Variants in DGKI observed in about 807,000 individuals in gnomAD.
The protein encoded by DGKI is diacylglycerol kinase iota, also known as DAG kinase iota.
DGKI carries 55 observed loss-of-function variants against 147.5 expected under a neutral mutation model. That is an observed-to-expected ratio of 0.37 (90% CI 0.30 to 0.47). DGKI has a LOEUF of 0.47. Ranked by LOEUF, DGKI falls within the 20% of genes least tolerant of loss-of-function variation. DGKI has a pLI of 1.00. For synonymous variants in DGKI, 469 were observed against 477.1 expected (o/e 0.98, Z 0.22); for missense variants, 1,007 against 1,323.8 (o/e 0.76, Z 3.71).
intron 10 of DGKI, among the ~76,000 whole-genome samples, chr7:137,608,115 C>T (rs1820244196): frequency 6.6e-6 from 1 of 152,102 alleles, no homozygotes. Context: ...ACTTACCTTC[C>T]TTATATGGGA....
chr7:137,439,223 G>A (rs957669160), intron 28 of DGKI, among the ~76,000 whole-genome samples: 1 of 152,194 alleles, frequency 6.6e-6, no homozygotes, highest in African/African-American at 2.4e-5. Context: ...AAAGTGAATT[G>A]ATGAGGTACA....
intron 23 of DGKI, among the ~76,000 whole-genome samples, chr7:137,470,139 C>A (rs1814824276): frequency 6.6e-6 from 1 of 152,216 alleles, no homozygotes; most frequent in South Asian, 2.1e-4. Flanking sequence ...TCTCTAACCT[C>A]AGCCTTCTCC....
chr7:137,628,654 T>C (rs1252082317), intron 6 of DGKI, among the ~76,000 whole-genome samples: 2 of 152,068 alleles, frequency 1.3e-5, no homozygotes, highest in Non-Finnish European at 1.5e-5. Context: ...AAGAGGAAAA[T>C]AGGGATGGGA....
intron 1 of DGKI, among the ~76,000 whole-genome samples, chr7:137,818,984 A>G (rs1037245127): frequency 3.3e-5 from 5 of 152,202 alleles, no homozygotes; most frequent in African/African-American, 9.6e-5. Context: ...AGCTTCTACA[A>G]AAAGCCCTCC....
intron 1 of DGKI, among the ~76,000 whole-genome samples, chr7:137,750,140 A>T (rs2116752438): frequency 6.6e-6 from 1 of 152,324 alleles, no homozygotes; most frequent in South Asian, 2.1e-4. Flanking sequence ...ATAAGGAGGC[A>T]AGCACCAGAA....
At chr7:137,440,465 A>C (rs1441609037) in intron 28 of DGKI, among the ~76,000 whole-genome samples, 2 of 152,230 alleles carry the variant, frequency 1.3e-5, no homozygotes, top group Admixed American at 6.5e-5. Flanking sequence ...CTCTTGTTAG[A>C]GGAGGGAAGA....
intron 1 of DGKI, among the ~76,000 whole-genome samples, chr7:137,723,850 C>G (rs1411935918): frequency 5.3e-5 from 8 of 152,054 alleles, no homozygotes; most frequent in Non-Finnish European, 1.0e-4. Flanking sequence ...GCTGGGATTA[C>G]AGGCACATAT....
At chr7:137,778,360 TAAAAAAGGAAGA>T (rs1796421237) in intron 1 of DGKI, among the ~76,000 whole-genome samples, 1 of 152,124 alleles carries the variant, frequency 6.6e-6, no homozygotes, top group Non-Finnish European at 1.5e-5. Flanking sequence ...AGGAGGAATC[TAAAAAAGGAAGA>T]TAAGAAAGCA....
At chr7:137,628,779 A>G (rs1450709138) in intron 6 of DGKI, among the ~76,000 whole-genome samples, 1 of 152,232 alleles carries the variant, frequency 6.6e-6, no homozygotes, top group African/African-American at 2.4e-5. Flanking sequence ...TTTGGAATAA[A>G]GTTTAAACCA....
At chr7:137,742,712 T>A (rs1164568368) in intron 1 of DGKI, among the ~76,000 whole-genome samples, 1 of 150,060 alleles carries the variant, frequency 6.7e-6, no homozygotes, top group Non-Finnish European at 1.5e-5. Context: ...AGAAAGGTAC[T>A]CAGCTACCGG....
rs78924878 is a variant in DGKI at position 137,531,869 on chromosome 7, C to T, written c.2148-9903G>A. Among the ~76,000 whole-genome samples, 451 of 152,264 alleles carry T rather than the reference C, an allele frequency of 3.0e-3. 2 individuals carry two copies. The highest frequency in any genetic ancestry group is 5.0e-3 in the South Asian group (24 of 4,818). ...AACCATGAAGAACACTGAAACTAGG[C>T]TTCTAACTACTGGTATAGTTGCTAA... On this transcript the variant is annotated intron_variant, in intron 20 of 32. Coordinates refer to ENST00000614521, the MANE Select transcript of DGKI (RefSeq NM_001321708.2).
rs3800668 is a variant in DGKI, at chr7:137,804,850, G to A, written c.401+41612C>T. Among the ~76,000 whole-genome samples the A allele has an allele frequency of 7.1e-4, 108 of 152,200 alleles. 1 individual carries two copies. The East Asian group carries it at 0.021, about 29-fold the overall frequency. On this transcript the variant is annotated intron_variant, in intron 1 of 32. Coordinates refer to ENST00000614521, the MANE Select transcript of DGKI (RefSeq NM_001321708.2). Reference sequence around the variant, plus strand: ...GTCTAATCTTACTTTGTAGGCTTACGGAGTTGAATGGATCTTCTCTCTAAA... The same window carrying A: ...GTCTAATCTTACTTTGTAGGCTTACAGAGTTGAATGGATCTTCTCTCTAAA...
intron 27 of DGKI, among the ~76,000 whole-genome samples, chr7:137,457,552 A>C (rs965533215): frequency 6.6e-6 from 1 of 152,202 alleles, no homozygotes; most frequent in African/African-American, 2.4e-5. Flanking sequence ...TTCAGAACAC[A>C]GGAGGTCTCC....
chr7:137,811,243 C>T (rs1268293231), intron 1 of DGKI, among the ~76,000 whole-genome samples: 1 of 152,130 alleles, frequency 6.6e-6, no homozygotes, highest in African/African-American at 2.4e-5. Context: ...AATGATATTA[C>T]ACAGGAAGAG....
At chr7:137,473,619 C>T (rs897058416) in intron 23 of DGKI, among the ~76,000 whole-genome samples, 2 of 152,106 alleles carry the variant, frequency 1.3e-5, no homozygotes, top group Non-Finnish European at 2.9e-5. Context: ...TGCAAAGTTA[C>T]TGGTAATTGT....
intron 1 of DGKI, among the ~76,000 whole-genome samples, chr7:137,819,513 T>C (rs1797835074): frequency 6.6e-6 from 1 of 152,068 alleles, no homozygotes; most frequent in Non-Finnish European, 1.5e-5. Flanking sequence ...GGTTTCACCG[T>C]GTTAGCCAGG....
chr7:137,537,947 C>A (rs1247910171), intron 20 of DGKI, among the ~76,000 whole-genome samples: 2 of 152,078 alleles, frequency 1.3e-5, no homozygotes, highest in Non-Finnish European at 2.9e-5. Context: ...CTGAATAACA[C>A]AAATCAAGTC....
At chr7:137,625,397 T>C (rs1010323115) in intron 6 of DGKI, among the ~76,000 whole-genome samples, 1 of 151,942 alleles carries the variant, frequency 6.6e-6, no homozygotes, top group Non-Finnish European at 1.5e-5. Context: ...GAGTCGGAAG[T>C]GGCAGTGAGC....
chr7:137,486,718 T>A (rs1815573785), intron 22 of DGKI, among the ~76,000 whole-genome samples: 1 of 152,158 alleles, frequency 6.6e-6, no homozygotes, highest in African/African-American at 2.4e-5. Flanking sequence ...AATCAAATAT[T>A]CAGGGTGAAG....
Sources: gnomAD v4.1 joint callset for allele counts (sites outside exome capture counted in the v4.1 genomes callset) on GRCh38, gnomAD v4.1.1 for gene constraint, MANE v1.5 for transcripts, NCBI Gene and HGNC (gene_info 2026-07-23, HGNC 2026-07-21) for gene names.